Variants in RAB3C observed in about 807,000 individuals in gnomAD.
RAB3C encodes the protein RAB3C, member RAS oncogene family.
Under a neutral mutation model 26.4 loss-of-function variants are expected in RAB3C, and 17 were observed. The observed-to-expected ratio is 0.64, with a 90% CI of 0.44 to 0.97. RAB3C has a LOEUF of 0.97. RAB3C is among the 50% of genes least tolerant of loss of function. RAB3C has a pLI of 0.00. For synonymous variants in RAB3C, 91 were observed against 95.9 expected (o/e 0.95, Z 0.30); for missense variants, 242 against 281.9 (o/e 0.86, Z 1.01).
intron 1 of RAB3C, among the ~76,000 whole-genome samples, chr5:58,597,499 T>C (rs1746341541): frequency 2.0e-5 from 2 of 102,294 alleles, no homozygotes; most frequent in Non-Finnish European, 1.9e-5. Context: ...TAGTTCATTA[T>C]ATATAAGCAT....
chr5:58,839,103 AAGTG>A (rs1044924048), intron 4 of RAB3C, among the ~76,000 whole-genome samples: 3 of 151,846 alleles, frequency 2.0e-5, no homozygotes, highest in Admixed American at 6.6e-5. Context: ...TTTACAAATG[AAGTG>A]AGTTTTTTGT....
intron 2 of RAB3C, among the ~76,000 whole-genome samples, chr5:58,635,928 T>C (rs1319587800): frequency 6.6e-6 from 1 of 152,182 alleles, no homozygotes; most frequent in Non-Finnish European, 1.5e-5. Flanking sequence ...TATACCTGCA[T>C]TTGGGAAGTA....
At chr5:58,816,136 A>G (rs1207947423) in intron 3 of RAB3C, among the ~76,000 whole-genome samples, 1 of 152,172 alleles carries the variant, frequency 6.6e-6, no homozygotes, top group Admixed American at 6.5e-5. Context: ...CCTTACTAAG[A>G]CAAATCCCCT....
chr5:58,645,999 G>T (rs1305135508), intron 2 of RAB3C, among the ~76,000 whole-genome samples: 1 of 152,188 alleles, frequency 6.6e-6, no homozygotes, highest in Non-Finnish European at 1.5e-5. Context: ...GCCATAAGTG[G>T]GCTCTGGAGT....
At position 58,653,837 on chromosome 5, in the gene RAB3C, T is replaced by C. The variant is rs554450903; in HGVS notation, c.252+35967T>C. Among the ~76,000 whole-genome samples the C allele has an allele frequency of 5.3e-4, 80 of 152,286 alleles. 1 individual carries two copies. Among genetic ancestry groups the C allele is most frequent in the South Asian group, 1.5e-3 (7 of 4,822 alleles). On this transcript the variant is annotated intron_variant, in intron 2 of 4. Transcript: ENST00000282878. ...ATAGTTGAAGTCATAGAAAGATACA[T>C]TTTATCTCAACTTAAAAACAATTAT...
intron 3 of RAB3C, among the ~76,000 whole-genome samples, chr5:58,777,501 T>C (rs1200244230): frequency 6.6e-6 from 1 of 152,066 alleles, no homozygotes; most frequent in Non-Finnish European, 1.5e-5. Flanking sequence ...GCAGTTCATA[T>C]AGCACTATAA....
chr5:58,827,202 C>T (rs1225675190), intron 4 of RAB3C, among the ~76,000 whole-genome samples: 1 of 152,104 alleles, frequency 6.6e-6, no homozygotes, highest in Non-Finnish European at 1.5e-5. Context: ...AATAGATCCC[C>T]AAAGAAAGAG....
chr5:58,813,782 C>T (rs1190819870), intron 3 of RAB3C, among the ~76,000 whole-genome samples: 1 of 69,938 alleles, frequency 1.4e-5, no homozygotes, highest in Non-Finnish European at 2.8e-5. Flanking sequence ...TCAGTGAATG[C>T]ACACATACAG....
At chr5:58,607,535 A>T (rs1290874533) in intron 1 of RAB3C, among the ~76,000 whole-genome samples, 2 of 152,206 alleles carry the variant, frequency 1.3e-5, no homozygotes, top group South Asian at 4.1e-4. Context: ...AAGGCAGGCC[A>T]ACATTCAAAT....
intron 2 of RAB3C, among the ~76,000 whole-genome samples, chr5:58,648,372 TC>T (rs1322353064): frequency 1.3e-5 from 2 of 152,202 alleles, no homozygotes; most frequent in East Asian, 1.9e-4. Flanking sequence ...TGAACAAGAC[TC>T]CCTGCTTAGT....
chr5:58,756,646 T>C (rs1006613406), intron 3 of RAB3C, among the ~76,000 whole-genome samples: 1 of 142,264 alleles, frequency 7.0e-6, no homozygotes, highest in African/African-American at 2.6e-5. Flanking sequence ...CATTATAAAC[T>C]GTAAGTCACG....
chr5:58,813,052 T>A (rs114931833), intron 3 of RAB3C, among the ~76,000 whole-genome samples: 1 of 152,178 alleles, frequency 6.6e-6, no homozygotes, highest in African/African-American at 2.4e-5. Flanking sequence ...CCAGTTCTGT[T>A]ATATGTTATC....
chr5:58,614,244 T>A (rs545988546), intron 1 of RAB3C, among the ~76,000 whole-genome samples: 1 of 152,110 alleles, frequency 6.6e-6, no homozygotes, highest in South Asian at 2.1e-4. Flanking sequence ...ACTTTAGTAT[T>A]TAGAGATATC....
intron 2 of RAB3C, among the ~76,000 whole-genome samples, chr5:58,700,620 C>A (rs1748821565): frequency 6.6e-6 from 1 of 152,138 alleles, no homozygotes; most frequent in Admixed American, 6.5e-5. Flanking sequence ...TGTCTAAGAT[C>A]AAGTGAGGTG....
chr5:58,749,425 A>T (rs971031301), intron 3 of RAB3C, among the ~76,000 whole-genome samples: 3 of 152,232 alleles, frequency 2.0e-5, no homozygotes, highest in African/African-American at 7.2e-5. Context: ...TGAATTCACA[A>T]AAGAAAAAGA....
At chr5:58,676,325 A>G (rs1268124116) in intron 2 of RAB3C, among the ~76,000 whole-genome samples, 3 of 152,054 alleles carry the variant, frequency 2.0e-5, no homozygotes, top group Admixed American at 6.6e-5. Flanking sequence ...CAACTTGGTG[A>G]AACCCTGTCT....
chr5:58,676,784 A>ATTGTT (rs1185438973), intron 2 of RAB3C, among the ~76,000 whole-genome samples: 2 of 152,110 alleles, frequency 1.3e-5, no homozygotes, highest in African/African-American at 2.4e-5. Flanking sequence ...TTTGTTTTAC[A>ATTGTT]TTGTTTTGTT....
chr5:58,592,981 C>T (rs1746171370), intron 1 of RAB3C, among the ~76,000 whole-genome samples: 1 of 152,072 alleles, frequency 6.6e-6, no homozygotes. Context: ...TTAGCCATTA[C>T]ATCTTTAAGT....
rs964079009 is a variant in RAB3C, at chr5:58,599,690, CT to C, written c.24+16468del. ...GTTTGATAAAATTCATCTCCTTTTT[CT>C]TTTTTTTTTCTTTTTTATTATACTT... On this transcript the variant is annotated intron_variant, in intron 1 of 4. Transcript: ENST00000282878. 2.3e-3 allele frequency among the ~76,000 whole-genome samples: 347 copies of C among 148,560 alleles called. 2 individuals are homozygous for C. The highest frequency in any genetic ancestry group is 7.9e-3 in the African/African-American group (316 of 40,218).
Sources: allele counts gnomAD v4.1 joint callset (sites outside exome capture counted in the v4.1 genomes callset), GRCh38; gene constraint gnomAD v4.1.1; transcripts MANE v1.5; gene names NCBI Gene and HGNC (gene_info 2026-07-23, HGNC 2026-07-21).